MAP3K5: variants seen among roughly 807,000 people sequenced by gnomAD.
The protein encoded by MAP3K5 is ASK-1.
Under a neutral mutation model 158.7 loss-of-function variants are expected in MAP3K5, and 56 were observed. The ratio of observed to expected loss-of-function variants is 0.35; its 90% CI spans 0.28 to 0.44. MAP3K5 has a LOEUF of 0.44. MAP3K5 is among the 20% of genes least tolerant of loss of function. The pLI, the probability that MAP3K5 is intolerant of heterozygous loss-of-function variation, is 1.00. For synonymous variants in MAP3K5, 579 were observed against 601.7 expected (o/e 0.96, Z 0.55); for missense variants, 1,294 against 1,674.8 (o/e 0.77, Z 3.97).
intron 2 of MAP3K5, among the ~76,000 whole-genome samples, chr6:136,715,431 G>T (rs1781477261): frequency 6.6e-6 from 1 of 152,060 alleles, no homozygotes; most frequent in South Asian, 2.1e-4. Context: ...CTACCACCTA[G>T]ATTTAGAACT....
rs182681656 is a variant in MAP3K5, at chr6:136,580,412, G to C, written c.3412-6C>G. On this transcript the variant is annotated splice_polypyrimidine_tract_variant and splice_region_variant and intron_variant, in intron 24 of 29. Transcript: ENST00000359015. ...TTCCGAAGAACTTTATTGACCTGGA[G>C]AGAGAGTGACATTTAGCCTACTTTA... 6.3e-7 allele frequency: 1 copy of C among 1,583,090 alleles called. No homozygotes were observed. The highest frequency in any genetic ancestry group is 8.7e-7 in the Non-Finnish European group (1 of 1,152,404).
intron 11 of MAP3K5, among the ~76,000 whole-genome samples, chr6:136,647,176 C>T (rs1485019525): frequency 6.6e-6 from 1 of 152,178 alleles, no homozygotes; most frequent in Non-Finnish European, 1.5e-5. Context: ...CTCTGTGACC[C>T]TCCAGAGCCT....
intron 9 of MAP3K5, among the ~76,000 whole-genome samples, chr6:136,658,810 A>G (rs575520705): frequency 6.6e-6 from 1 of 152,382 alleles, no homozygotes; most frequent in South Asian, 2.1e-4. Context: ...CAAGAATGAG[A>G]ATTCCAAAAC....
In MAP3K5 at chr6:136,591,145, T is replaced by G. The variant is rs542382689; in HGVS notation, c.3225+1028A>C. On this transcript the variant is annotated intron_variant, in intron 23 of 29. Coordinates refer to ENST00000359015, the MANE Select transcript of MAP3K5 (RefSeq NM_005923.4). Reference sequence around the variant, plus strand: ...CCTCATTCACCTTCCACCATGATTGTGAGGCCTCCCCAGCCATGTGGAACT... The same window carrying G: ...CCTCATTCACCTTCCACCATGATTGGGAGGCCTCCCCAGCCATGTGGAACT... Among the ~76,000 whole-genome samples, 12 of 152,362 alleles carry G rather than the reference T, an allele frequency of 7.9e-5. 1 individual carries two copies. In the South Asian group the frequency reaches 1.7e-3, roughly 21 times the overall value.
intron 23 of MAP3K5, among the ~76,000 whole-genome samples, chr6:136,591,789 G>A (rs1475116646): frequency 3.9e-5 from 6 of 152,138 alleles, no homozygotes; most frequent in African/African-American, 9.7e-5. Context: ...TGAGAGGAGC[G>A]ACTGGCAGGT....
rs76628916 is a variant in MAP3K5 at position 136,746,874 on chromosome 6, A to G, written c.449-26285T>C. Among the ~76,000 whole-genome samples the G allele has an allele frequency of 6.3e-3, 952 of 152,292 alleles. 12 individuals carry two copies. The highest frequency in any genetic ancestry group is 0.022 in the African/African-American group (925 of 41,572). Reference sequence around the variant, plus strand: ...ATTACACTTCTTGTTAGAATATTCAAATTCTTTAAAAATGTATTTTTTATA... The same window carrying G: ...ATTACACTTCTTGTTAGAATATTCAGATTCTTTAAAAATGTATTTTTTATA... On this transcript the variant is annotated intron_variant, in intron 1 of 29. Transcript: ENST00000359015.
At chr6:136,683,750 ACTT>A (rs976983513) in intron 7 of MAP3K5, among the ~76,000 whole-genome samples, 3 of 152,134 alleles carry the variant, frequency 2.0e-5, no homozygotes, top group African/African-American at 7.2e-5. Flanking sequence ...ATTAGTTCAT[ACTT>A]CTTCAACAAA....
At chr6:136,621,575 G>C (rs774241758) in intron 15 of MAP3K5, among the ~76,000 whole-genome samples, 20 of 152,150 alleles carry the variant, frequency 1.3e-4, no homozygotes, top group Non-Finnish European at 2.6e-4. Flanking sequence ...GGAAGAGTTC[G>C]ACAGGTCTGT....
At chr6:136,575,764 A>T (rs895053150) in intron 25 of MAP3K5, among the ~76,000 whole-genome samples, 2 of 152,188 alleles carry the variant, frequency 1.3e-5, no homozygotes, top group South Asian at 2.1e-4. Context: ...TTCTCAGGGC[A>T]TCCTATCAGG....
At chr6:136,685,428 G>T (rs1780106575) in intron 7 of MAP3K5, among the ~76,000 whole-genome samples, 2 of 152,166 alleles carry the variant, frequency 1.3e-5, no homozygotes, top group Admixed American at 6.5e-5. Context: ...GAGACTCTCT[G>T]TAGCACTAAA....
At chr6:136,561,017 A>C (rs1830487400) in intron 28 of MAP3K5, among the ~76,000 whole-genome samples, 3 of 149,676 alleles carry the variant, frequency 2.0e-5, no homozygotes, top group African/African-American at 7.6e-5. Flanking sequence ...AAAGAATTAG[A>C]AACAAGAAAT....
intron 13 of MAP3K5, among the ~76,000 whole-genome samples, 191 bp from the exon 14 acceptor site, chr6:136,637,597 T>C (rs1467802184): frequency 2.0e-5 from 3 of 152,110 alleles, no homozygotes. Context: ...TAGGATTTTC[T>C]AGAAATTTCT....
intron 18 of MAP3K5, 52 bp downstream of exon 18, chr6:136,611,230 G>A: frequency 9.0e-7 from 1 of 1,106,692 alleles, no homozygotes; most frequent in South Asian, 1.3e-5. Context: ...CTCAAACTCA[G>A]CAATTATTTC....
intron 1 of MAP3K5, among the ~76,000 whole-genome samples, chr6:136,734,422 A>G (rs1033535997): frequency 2.9e-4 from 13 of 44,866 alleles, no homozygotes; most frequent in African/African-American, 1.2e-3. Flanking sequence ...TCTGTCTCGG[A>G]AAAAAAAAAA....
chr6:136,714,942 A>C (rs6570089), intron 2 of MAP3K5, among the ~76,000 whole-genome samples: 9 of 151,960 alleles, frequency 5.9e-5, no homozygotes, highest in African/African-American at 2.2e-4. Context: ...TGTTCTGTAT[A>C]CAGTGAGATA....
chr6:136,711,157 A>G (rs1215298340), intron 2 of MAP3K5, among the ~76,000 whole-genome samples: 2 of 152,170 alleles, frequency 1.3e-5, no homozygotes, highest in African/African-American at 4.8e-5. Context: ...ATGCCTACAT[A>G]AAAGCTCAAG....
chr6:136,792,359 C>A lies in MAP3K5; in HGVS notation c.-202G>T. The A allele has an allele frequency of 1.0e-6, 1 of 1,003,176 alleles. No homozygotes were observed. Among genetic ancestry groups the A allele is most frequent in the Non-Finnish European group, 1.2e-6 (1 of 843,066 alleles). 62.1% of individuals were successfully genotyped at this position (1,003,176 alleles called of 1,614,324 possible). A position where few individuals can be genotyped will look rare whatever the true frequency, so the allele number is the denominator to read the frequency against. Reference sequence around the variant, plus strand: ...TGCCCGGCGGCGGCTCGCTCCTCCTCGGCGCCTCCGTGGCCGCGCCGCTCG... The same window carrying A: ...TGCCCGGCGGCGGCTCGCTCCTCCTAGGCGCCTCCGTGGCCGCGCCGCTCG... On this transcript the variant is annotated 5_prime_UTR_variant, in exon 1 of 30. Transcript: ENST00000359015. The surrounding 1 kb of genome is among the most constrained non-coding windows in gnomAD (Gnocchi z 5.7).
chr6:136,728,956 G>C (rs79811001), intron 1 of MAP3K5, among the ~76,000 whole-genome samples: 1 of 125,050 alleles, frequency 8.0e-6, no homozygotes, highest in African/African-American at 3.3e-5. Flanking sequence ...AGTGTGGAGG[G>C]AGGGACAGAA....
rs201030456 is a variant in MAP3K5 at position 136,567,810 on chromosome 6, T to C, written c.3582A>G (p.Val1194=). The C allele has an allele frequency of 3.4e-5, 55 of 1,614,112 alleles. No individual in the cohort carries two copies. In the East Asian group the frequency reaches 5.6e-4, roughly 16 times the overall value. Residue 1194 remains valine, a synonymous_variant, in exon 26 of 30, where the codon GTA becomes GTG. Coordinates refer to ENST00000359015, the MANE Select transcript of MAP3K5 (RefSeq NM_005923.4). ...SDTADQEDLD[V]EDDHEEQPSN... The stretch of plus-strand genomic sequence containing the variant: ...AAGGCTGTTCCTCATGGTCATCTTC[T>C]ACATCCAAGTCTTCTTGATCAGCAG...
Sources: gnomAD v4.1 joint callset for allele counts (sites outside exome capture counted in the v4.1 genomes callset) on GRCh38, gnomAD v4.1.1 for gene constraint, Gnocchi (gnomAD v3.1) non-coding constraint, MANE v1.5 for transcripts, NCBI Gene and HGNC (gene_info 2026-07-23, HGNC 2026-07-21) for gene names.